Variants in GALNTL6 observed in about 807,000 individuals in gnomAD.
GALNTL6 encodes polypeptide N-acetylgalactosaminyltransferase-like 6.
Under a neutral mutation model 73.7 loss-of-function variants are expected in GALNTL6, and 46 were observed. That is an observed-to-expected ratio of 0.62 (90% confidence interval 0.49 to 0.80). GALNTL6 has a LOEUF of 0.80. Ranked by LOEUF, GALNTL6 falls within the 30% of genes least tolerant of loss-of-function variation. The pLI is 0.00. For missense variants in GALNTL6, 604 were observed against 755.0 expected (o/e 0.80, Z 2.34); for synonymous variants, 259 against 263.7 (o/e 0.98, Z 0.17).
intron 2 of GALNTL6, among the ~76,000 whole-genome samples, chr4:171,988,137 G>A (rs1740169390): frequency 6.6e-6 from 1 of 152,310 alleles, no homozygotes; most frequent in East Asian, 1.9e-4. Context: ...ATGAGGGCTA[G>A]GCTAAAACAG....
At chr4:172,876,708 G>A (rs1745214992) in intron 7 of GALNTL6, among the ~76,000 whole-genome samples, 1 of 152,098 alleles carries the variant, frequency 6.6e-6, no homozygotes, top group Admixed American at 6.6e-5. Flanking sequence ...GTAATTTCTA[G>A]ACATGAATTA....
intron 12 of GALNTL6, among the ~76,000 whole-genome samples, chr4:173,030,753 G>A (rs1381879043): frequency 2.6e-5 from 4 of 151,192 alleles, no homozygotes; most frequent in African/African-American, 4.9e-5. Context: ...TTGGGAGGCC[G>A]AGGCATTTGA....
intron 2 of GALNTL6, among the ~76,000 whole-genome samples, chr4:172,150,262 A>G (rs1177091193): frequency 6.6e-6 from 1 of 152,240 alleles, no homozygotes; most frequent in Non-Finnish European, 1.5e-5. Context: ...TAATTATTTT[A>G]TAAGTTTATA....
intron 8 of GALNTL6, among the ~76,000 whole-genome samples, chr4:172,918,077 G>T (rs1747617017): frequency 6.6e-6 from 1 of 151,588 alleles, no homozygotes; most frequent in Admixed American, 6.6e-5. Flanking sequence ...CCATAAAAAG[G>T]ATGAGTTTGT....
At chr4:171,906,778 T>A (rs1190625917) in intron 2 of GALNTL6, among the ~76,000 whole-genome samples, 2 of 152,044 alleles carry the variant, frequency 1.3e-5, no homozygotes, top group East Asian at 3.9e-4. Context: ...CAGCAGCACA[T>A]CAAAAAGCTT....
chr4:172,675,900 G>T (rs537029928), intron 5 of GALNTL6, among the ~76,000 whole-genome samples: 6 of 152,262 alleles, frequency 3.9e-5, no homozygotes, highest in Middle Eastern at 3.4e-3. Flanking sequence ...TGTACATCTA[G>T]AAAATAGACT....
chr4:172,066,350 T>C (rs1731364282), intron 2 of GALNTL6, among the ~76,000 whole-genome samples: 1 of 152,154 alleles, frequency 6.6e-6, no homozygotes, highest in African/African-American at 2.4e-5. Flanking sequence ...TCACATAGTA[T>C]GTAACTTTTT....
intron 3 of GALNTL6, among the ~76,000 whole-genome samples, chr4:172,237,895 T>C (rs1054078200): frequency 2.0e-5 from 3 of 152,030 alleles, no homozygotes; most frequent in African/African-American, 7.2e-5. Flanking sequence ...TCAGGTGGTT[T>C]CAGGTGTATG....
chr4:172,261,508 T>G (rs2053473083), intron 3 of GALNTL6, among the ~76,000 whole-genome samples: 1 of 151,618 alleles, frequency 6.6e-6, no homozygotes, highest in African/African-American at 2.4e-5. Flanking sequence ...TTTTCTTGGT[T>G]AATCTCACTA....
intron 10 of GALNTL6, among the ~76,000 whole-genome samples, chr4:173,004,640 CTAAA>C (rs1003768870): frequency 1.6e-3 from 238 of 152,040 alleles, no homozygotes; most frequent in Middle Eastern, 3.4e-3. Flanking sequence ...AACTAACTAA[CTAAA>C]TAAATAAATA....
rs547496955 is a variant in GALNTL6 at position 171,978,742 on chromosome 4, A to T, written c.138+164024A>T. ...ATTTTAATTTTGACTTGATTTTAATAATCTTGACTTTTAGGCATTAAAAAA... is the reference window on the plus strand; with the variant it reads ...ATTTTAATTTTGACTTGATTTTAATTATCTTGACTTTTAGGCATTAAAAAA... On this transcript the variant is annotated intron_variant, in intron 2 of 12. Transcript: ENST00000506823. 3.9e-5 allele frequency among the ~76,000 whole-genome samples: 6 copies of T among 152,316 alleles called. 1 individual carries two copies. In the South Asian group the frequency reaches 1.2e-3, roughly 32 times the overall value.
intron 5 of GALNTL6, among the ~76,000 whole-genome samples, chr4:172,585,659 A>G (rs982774408): frequency 1.3e-5 from 2 of 152,100 alleles, no homozygotes; most frequent in South Asian, 4.2e-4. Context: ...TCTATCATTG[A>G]TGGGCATTTG....
intron 10 of GALNTL6, among the ~76,000 whole-genome samples, chr4:172,977,838 GT>G (rs1750890013): frequency 6.6e-6 from 1 of 152,120 alleles, no homozygotes; most frequent in Non-Finnish European, 1.5e-5. Context: ...CCACCTGTGT[GT>G]TTGGTTTCTG....
chr4:172,548,113 A>G (rs1197693516), intron 5 of GALNTL6, among the ~76,000 whole-genome samples: 2 of 152,206 alleles, frequency 1.3e-5, no homozygotes, highest in African/African-American at 4.8e-5. Context: ...AGAAGGTTCT[A>G]TAAATTAATG....
At chr4:171,903,233 G>A (rs982713741) in intron 2 of GALNTL6, among the ~76,000 whole-genome samples, 114 of 152,212 alleles carry the variant, frequency 7.5e-4, no homozygotes, top group Non-Finnish European at 1.4e-3. Context: ...CTGAGGTACC[G>A]GGTTCATCTC....
At chr4:171,904,738 CAG>C (rs1737218727) in intron 2 of GALNTL6, among the ~76,000 whole-genome samples, 1 of 152,104 alleles carries the variant, frequency 6.6e-6, no homozygotes, top group South Asian at 2.1e-4. Context: ...TAAGGGCAGC[CAG>C]AGAGAAAGGT....
chr4:172,545,760 T>G (rs2110886085), intron 5 of GALNTL6: 1 of 152,340 alleles, frequency 6.6e-6, no homozygotes, highest in African/African-American at 2.4e-5. Flanking sequence ...TGAGTCGATT[T>G]ATATACTGAC....
intron 2 of GALNTL6, among the ~76,000 whole-genome samples, chr4:171,994,400 T>C (rs1740425975): frequency 6.6e-6 from 1 of 152,264 alleles, no homozygotes; most frequent in Admixed American, 6.5e-5. Flanking sequence ...GTAGTGAGGA[T>C]ATCCTACCCA....
At chr4:172,234,665 C>G (rs764271213) in intron 3 of GALNTL6, among the ~76,000 whole-genome samples, 21 of 151,994 alleles carry the variant, frequency 1.4e-4, no homozygotes, top group Non-Finnish European at 2.9e-4. Flanking sequence ...TAGACTAAAT[C>G]TTCCTTTTTT....
Sources: gnomAD v4.1 joint callset for allele counts (sites outside exome capture counted in the v4.1 genomes callset) on GRCh38, gnomAD v4.1.1 for gene constraint, MANE v1.5 for transcripts, NCBI Gene and HGNC (gene_info 2026-07-23, HGNC 2026-07-21) for gene names.